The following GC variants were observed in gnomAD, a reference collection of about 807,000 sequenced individuals.
GC encodes GC vitamin D binding protein, also known as vitamin D-binding protein.
A neutral mutation model predicts 56.7 loss-of-function variants in GC; 43 were observed. That is an observed-to-expected ratio of 0.76 (90% CI 0.59 to 0.98). GC has a LOEUF of 0.98. Ranked by LOEUF, GC falls within the 50% of genes least tolerant of loss-of-function variation. The probability of loss-of-function intolerance (pLI) is 0.00; values close to 1 mark genes in which losing one functional copy is unlikely to be tolerated. For missense variants in GC, 529 were observed against 545.9 expected, an observed-to-expected ratio of 0.97 and a Z score of 0.31; for synonymous variants, 216 against 202.7, an observed-to-expected ratio of 1.07 and a Z score of -0.56.
chr4:71,798,575 A>C (rs1743169353), intron 1 of GC, among the ~76,000 whole-genome samples: 1 of 152,180 alleles, frequency 6.6e-6, no homozygotes, highest in Admixed American at 6.5e-5. Context: ...AGGGCACAAA[A>C]TGGTTCCCAA....
chr4:71,768,375 G>C lies in GC; in HGVS notation c.187C>G (p.Leu63Val). ...GTCAAGGAGACAACTTCCTTCACAAGTTGGCTGACCTGTTCAAACGTGCCA... is the reference window on the plus strand; with the variant it reads ...GTCAAGGAGACAACTTCCTTCACAACTTGGCTGACCTGTTCAAACGTGCCA... ...PSGTFEQVSQ[L>V]VKEVVSLTEA... is the part of the protein sequence containing the mutation. The change falls in exon 3 of 13, where the codon CTT becomes GTT. Residue 63 changes from leucine (L) to valine (V), a missense_variant. By Grantham distance (32) the Leu-to-Val change is conservative. Coordinates refer to ENST00000273951, the MANE Select transcript of GC (RefSeq NM_000583.4). The C allele has an allele frequency of 1.2e-6, 2 of 1,613,470 alleles. No individual in the cohort carries two copies. Among genetic ancestry groups the C allele is most frequent in the Middle Eastern group, 1.7e-4 (1 of 6,060 alleles).
Position 71,752,638 on chromosome 4 carries a change from T to A in GC, c.1275A>T (p.Arg425=). 1 of 1,613,324 alleles carries A rather than the reference T, an allele frequency of 6.2e-7. No individual in the cohort carries two copies. Among genetic ancestry groups the A allele is most frequent in the South Asian group, 1.1e-5 (1 of 91,028 alleles). ...FTEYKKKLAE[R]LKAKLPDATP... ...TGGCATCAGGCAATTTTGCTTTTAG[T>A]CGCTCTGCCAGTCTGAAAAACCATT... is the stretch of plus-strand genomic sequence containing the variant. Residue 425 remains arginine, a synonymous_variant, in exon 11 of 13, where the codon CGA becomes CGT. Transcript: ENST00000273951.
intron 1 of GC, among the ~76,000 whole-genome samples, chr4:71,778,499 G>A (rs1742576819): frequency 6.6e-6 from 1 of 151,858 alleles, no homozygotes; most frequent in Non-Finnish European, 1.5e-5. Context: ...TCCAAAAGGA[G>A]GAGTGACAAT....
At chr4:71,744,481 A>T (rs1455899682) in intron 12 of GC, among the ~76,000 whole-genome samples, 2 of 138,718 alleles carry the variant, frequency 1.4e-5, no homozygotes, top group South Asian at 2.4e-4. Flanking sequence ...AAAAAAAAAG[A>T]TACTTCTGAC....
At chr4:71,754,674 T>G (rs769360876) in intron 9 of GC, among the ~76,000 whole-genome samples, 166 bp from the exon 10 acceptor site, 6 of 152,222 alleles carry the variant, frequency 3.9e-5, no homozygotes, top group Non-Finnish European at 8.8e-5. Context: ...GTGGCCTTTG[T>G]TGCAACTACT....
chr4:71,745,043 C>A (rs1462858184), intron 12 of GC, among the ~76,000 whole-genome samples: 1 of 152,122 alleles, frequency 6.6e-6, no homozygotes, highest in African/African-American at 2.4e-5. Context: ...GTAGTAGGAG[C>A]ATCAGTGCAA....
intron 1 of GC, among the ~76,000 whole-genome samples, chr4:71,800,963 A>T (rs1312879515): frequency 6.6e-6 from 1 of 152,044 alleles, no homozygotes; most frequent in Non-Finnish European, 1.5e-5. Flanking sequence ...AAAAGAATGA[A>T]TATCAAATAA....
chr4:71,769,183 C>G (rs80324156), intron 2 of GC, 148 bp downstream of exon 2: 2 of 598,360 alleles, frequency 3.3e-6, no homozygotes, highest in Admixed American at 2.9e-5. Flanking sequence ...ATTTGCTTGA[C>G]TCCTGTGCCT....
intron 6 of GC, chr4:71,759,387 T>A (rs1321764281): frequency 6.6e-6 from 1 of 152,242 alleles, no homozygotes; most frequent in African/African-American, 2.4e-5. Context: ...TTGAACCACT[T>A]TACATTCCTA....
At chr4:71,792,056 A>G (rs919956277) in intron 1 of GC, among the ~76,000 whole-genome samples, 2 of 152,194 alleles carry the variant, frequency 1.3e-5, no homozygotes, top group Non-Finnish European at 2.9e-5. Flanking sequence ...TTCTTAAACC[A>G]GTCTATCATT....
intron 1 of GC, among the ~76,000 whole-genome samples, chr4:71,794,494 G>C (rs910629426): frequency 6.6e-6 from 1 of 152,112 alleles, no homozygotes; most frequent in Non-Finnish European, 1.5e-5. Context: ...TGTGGGATTG[G>C]TGGTGATATC....
intron 4 of GC, among the ~76,000 whole-genome samples, chr4:71,764,466 A>C (rs961802869): frequency 2.0e-5 from 3 of 152,126 alleles, no homozygotes; most frequent in African/African-American, 7.2e-5. Context: ...GTGTGAGAGG[A>C]GGGGCCATTT....
chr4:71,752,747 A>T (rs1456073642), intron 10 of GC, 97 bp from the exon 11 acceptor site: 23 of 1,101,116 alleles, frequency 2.1e-5, no homozygotes, highest in Non-Finnish European at 3.1e-5. Flanking sequence ...TTTACAATAA[A>T]AATGAAAATA....
At chr4:71,804,076 T>C, upstream of GC, 1 of 699,464 alleles carries the variant, frequency 1.4e-6, no homozygotes, top group Non-Finnish European at 2.6e-6. Context: ...AGACAAAGAT[T>C]TGTATGCAAG....
intron 1 of GC, among the ~76,000 whole-genome samples, chr4:71,779,989 T>C (rs1351159728): frequency 6.6e-6 from 1 of 151,834 alleles, no homozygotes; most frequent in Non-Finnish European, 1.5e-5. Context: ...AAAAGGAAAA[T>C]GTTCATAATA....
chr4:71,753,374 G>A (rs532676079), intron 10 of GC, among the ~76,000 whole-genome samples: 2 of 152,022 alleles, frequency 1.3e-5, no homozygotes, highest in Admixed American at 1.3e-4. Flanking sequence ...TGGATGCTGG[G>A]AAGGGACAAA....
At chr4:71,782,362 C>G (rs1273801871) in intron 1 of GC, among the ~76,000 whole-genome samples, 1 of 151,730 alleles carries the variant, frequency 6.6e-6, no homozygotes, top group African/African-American at 2.4e-5. Flanking sequence ...GGGTCATGCT[C>G]AGGTATTAGA....
At chr4:71,768,666 A>G (rs4694432) in intron 2 of GC, among the ~76,000 whole-genome samples, 11,027 of 152,124 alleles carry the variant, frequency 0.072, 524 homozygotes, top group East Asian at 0.24. Flanking sequence ...GGGTTTCACC[A>G]TGTTGGCCAG....
intron 1 of GC, among the ~76,000 whole-genome samples, chr4:71,780,708 T>G (rs1742647346): frequency 2.0e-5 from 3 of 152,118 alleles, no homozygotes; most frequent in Non-Finnish European, 4.4e-5. Context: ...CCAGTTAGAA[T>G]GGCAATCATT....
Sources: gnomAD v4.1 joint callset for allele counts (sites outside exome capture counted in the v4.1 genomes callset) on GRCh38, gnomAD v4.1.1 for gene constraint, MANE v1.5 for transcripts, NCBI Gene and HGNC (gene_info 2026-07-23, HGNC 2026-07-21) for gene names.